The following RAB11FIP2 variants were observed in gnomAD, a reference collection of about 807,000 sequenced individuals.
RAB11FIP2 encodes rab11 family-interacting protein 2.
RAB11FIP2 carries 16 observed loss-of-function variants against 40.9 expected under a neutral mutation model. The ratio of observed to expected loss-of-function variants is 0.39; its 90% CI spans 0.26 to 0.59. The LOEUF is 0.59. Ranked by LOEUF, RAB11FIP2 falls within the 20% of genes least tolerant of loss-of-function variation. The probability of loss-of-function intolerance (pLI) is 0.53; values close to 1 mark genes in which losing one functional copy is unlikely to be tolerated. For synonymous variants in RAB11FIP2, 228 were observed against 213.7 expected, an observed-to-expected ratio of 1.07 and a Z score of -0.58; for missense variants, 532 against 606.2, an observed-to-expected ratio of 0.88 and a Z score of 1.28.
In RAB11FIP2 at chr10:118,019,119, T is replaced by G. The variant is rs559936874; in HGVS notation, c.1266-4009A>C. On this transcript the variant is annotated intron_variant, in intron 3 of 4. Coordinates refer to ENST00000355624, the MANE Select transcript of RAB11FIP2 (RefSeq NM_014904.3). ...ACCATAAATTCCTGGTTCTAGGATT[T>G]TAAATCTTTCAATGAGAAGTCACAT... 9.2e-5 allele frequency among the ~76,000 whole-genome samples: 14 copies of G among 152,242 alleles called. No homozygotes were observed. In the East Asian group the frequency reaches 2.3e-3, roughly 25 times the overall value.
intron 3 of RAB11FIP2, among the ~76,000 whole-genome samples, chr10:118,028,422 T>C (rs562454377): frequency 2.0e-5 from 3 of 152,072 alleles, no homozygotes; most frequent in Non-Finnish European, 2.9e-5. Context: ...GTCAAATGTC[T>C]GGATCCTAAT....
intron 3 of RAB11FIP2, among the ~76,000 whole-genome samples, chr10:118,022,282 G>A (rs560582064): frequency 6.6e-6 from 1 of 152,248 alleles, no homozygotes; most frequent in Non-Finnish European, 1.5e-5. Context: ...GTCTTCTGCT[G>A]ACACTACTGC....
intron 3 of RAB11FIP2, chr10:118,017,502 C>G (rs1188657359): frequency 6.6e-6 from 1 of 152,218 alleles, no homozygotes; most frequent in East Asian, 1.9e-4. Flanking sequence ...ACAAGGAGGG[C>G]TCTGCAAACA....
intron 1 of RAB11FIP2, chr10:118,045,522 C>T: frequency 3.1e-6 from 1 of 319,190 alleles, no homozygotes; most frequent in East Asian, 6.7e-5. Flanking sequence ...TACTGTGATC[C>T]AGTCCTCATA....
chr10:118,024,349 G>GA (rs1401812880), intron 3 of RAB11FIP2, among the ~76,000 whole-genome samples: 1 of 152,066 alleles, frequency 6.6e-6, no homozygotes, highest in Non-Finnish European at 1.5e-5. Flanking sequence ...GATATAAAAT[G>GA]AGTATTTTCT....
intron 1 of RAB11FIP2, chr10:118,045,560 C>A (rs1004614579): frequency 4.8e-6 from 2 of 417,562 alleles, no homozygotes; most frequent in Non-Finnish European, 8.5e-6. Flanking sequence ...TACTTAAAAT[C>A]CACCACAAAA....
chr10:118,036,137 T>C (rs2133179514), intron 3 of RAB11FIP2, among the ~76,000 whole-genome samples: 1 of 152,234 alleles, frequency 6.6e-6, no homozygotes, highest in East Asian at 1.9e-4. Context: ...TCTCCAGTTT[T>C]AATAATATAC....
At chr10:118,015,170 A>T (rs1589637984) in intron 3 of RAB11FIP2, 60 bp from the exon 4 acceptor site, 2 of 1,443,544 alleles carry the variant, frequency 1.4e-6, no homozygotes, top group Non-Finnish European at 1.9e-6. Context: ...AAACATAAAA[A>T]TAGAAAAATT....
At chr10:118,016,729 G>A (rs1338670641) in intron 3 of RAB11FIP2, among the ~76,000 whole-genome samples, 1 of 152,160 alleles carries the variant, frequency 6.6e-6, no homozygotes, top group African/African-American at 2.4e-5. Flanking sequence ...TGCAAGCAGA[G>A]AAGTGGCTGG....
At chr10:118,015,987 A>G (rs1052513220) in intron 3 of RAB11FIP2, among the ~76,000 whole-genome samples, 1 of 152,254 alleles carries the variant, frequency 6.6e-6, no homozygotes, top group Non-Finnish European at 1.5e-5. Context: ...TGCCAGTAAA[A>G]TAACTGGCAT....
chr10:118,015,063 A>C lies in RAB11FIP2; in HGVS notation c.1311+2T>G. 1 of 1,606,540 alleles carries C rather than the reference A, an allele frequency of 6.2e-7. No individual in the cohort carries two copies. Among genetic ancestry groups the C allele is most frequent in the Non-Finnish European group, 8.5e-7 (1 of 1,175,488 alleles). ...AACCCTCTAACCCCTTCAGCAACTT[A>C]CCGGGATTTTCCTGAGGTCTTCATT... On this transcript the variant is annotated splice_donor_variant, in intron 4 of 4. Transcript: ENST00000355624. LOFTEE classifies it high-confidence loss of function.
At chr10:118,030,888 TA>T (rs1318183564) in intron 3 of RAB11FIP2, among the ~76,000 whole-genome samples, 5 of 151,952 alleles carry the variant, frequency 3.3e-5, no homozygotes, top group African/African-American at 1.2e-4. Context: ...TGACAAAGGG[TA>T]AAAAAGTTTC....
At chr10:118,028,506 A>G (rs1846372968) in intron 3 of RAB11FIP2, among the ~76,000 whole-genome samples, 2 of 152,120 alleles carry the variant, frequency 1.3e-5, no homozygotes, top group Admixed American at 6.6e-5. Context: ...CAGCTATTTA[A>G]AACACCTCCG....
intron 1 of RAB11FIP2, among the ~76,000 whole-genome samples, chr10:118,044,807 A>T (rs1267942095): frequency 1.3e-5 from 2 of 152,148 alleles, no homozygotes; most frequent in Non-Finnish European, 2.9e-5. Context: ...TTTAAAGAGT[A>T]AATAAATTCA....
intron 3 of RAB11FIP2, among the ~76,000 whole-genome samples, chr10:118,037,690 C>T (rs1238464425): frequency 2.0e-5 from 3 of 151,942 alleles, no homozygotes; most frequent in African/African-American, 7.2e-5. Context: ...CACTTCTAAG[C>T]CAGTATTCCC....
At chr10:118,017,669 A>C (rs1239831614) in intron 3 of RAB11FIP2, 1 of 152,162 alleles carries the variant, frequency 6.6e-6, no homozygotes. Context: ...GGACAATGTT[A>C]ATCTTTTCTT....
chr10:118,015,023 A>G (rs1349628849), intron 4 of RAB11FIP2, 42 bp downstream of exon 4: 1 of 1,527,998 alleles, frequency 6.5e-7, no homozygotes, highest in Non-Finnish European at 8.9e-7. Context: ...GAAAAAGACC[A>G]GCTTACTCTT....
intron 3 of RAB11FIP2, among the ~76,000 whole-genome samples, chr10:118,022,348 A>C (rs1447987288): frequency 6.6e-6 from 1 of 152,180 alleles, no homozygotes; most frequent in Non-Finnish European, 1.5e-5. Flanking sequence ...GCCTATGCAT[A>C]CTGAATATGG....
At chr10:118,042,096 AT>A (rs763607318) in intron 1 of RAB11FIP2, among the ~76,000 whole-genome samples, 91 of 152,250 alleles carry the variant, frequency 6.0e-4, no homozygotes, top group Non-Finnish European at 9.7e-4. Flanking sequence ...AAACAGAGCT[AT>A]TTTCAATAGG....
Sources: gnomAD v4.1 joint callset for allele counts (sites outside exome capture counted in the v4.1 genomes callset) on GRCh38, gnomAD v4.1.1 for gene constraint, MANE v1.5 for transcripts, NCBI Gene and HGNC (gene_info 2026-07-23, HGNC 2026-07-21) for gene names.